FAM180A: variants seen among roughly 807,000 people sequenced by gnomAD.
The protein encoded by FAM180A is protein FAM180A.
Under a neutral mutation model 15.3 loss-of-function variants are expected in FAM180A, and 14 were observed. The observed-to-expected ratio is 0.92, with a 90% CI of 0.61 to 1.43. FAM180A has a LOEUF of 1.43. FAM180A is among the 40% of genes most tolerant of loss of function. The pLI is 0.00. For synonymous variants in FAM180A, 90 were observed against 96.8 expected (o/e 0.93, Z 0.41); for missense variants, 200 against 220.8 (o/e 0.91, Z 0.60).
chr7:135,737,908 A>G (rs1355126780), intron 1 of FAM180A, among the ~76,000 whole-genome samples: 1 of 152,258 alleles, frequency 6.6e-6, no homozygotes. Flanking sequence ...GAAAACAAAA[A>G]GCCCCAAAGT....
intron 1 of FAM180A, among the ~76,000 whole-genome samples, chr7:135,739,580 A>G (rs2129496095): frequency 6.6e-6 from 1 of 151,878 alleles, no homozygotes; most frequent in East Asian, 1.9e-4. Flanking sequence ...CCACTGCACT[A>G]CAGCCTGGGT....
intron 2 of FAM180A, among the ~76,000 whole-genome samples, chr7:135,735,992 C>G (rs565500344): frequency 2.0e-5 from 3 of 151,106 alleles, no homozygotes; most frequent in Non-Finnish European, 4.4e-5. Context: ...CATGAGCCGC[C>G]GCACCTGGCC....
Position 135,734,268 on chromosome 7 carries a change from C to G in FAM180A, c.229G>C (p.Asp77His). The G allele has an allele frequency of 6.2e-7, 1 of 1,613,670 alleles. No individual in the cohort carries two copies. Among genetic ancestry groups the G allele is most frequent in the African/African-American group, 1.3e-5 (1 of 75,038 alleles). Reference protein sequence around the residue: ...ISPDLQISIKDEELASLRKAS... With the variant: ...ISPDLQISIKHEELASLRKAS... ...TTCCGCAAGGAGGCCAGCTCCTCGT[C>G]CTTGATGGAGATCTGCAGGTCAGGG... Residue 77 changes from aspartate to histidine, a missense_variant, in exon 3 of 4, where the codon GAC (aspartate) becomes CAC (histidine). Physicochemically the swap from Asp to His is moderately conservative, Grantham distance 81. Transcript: ENST00000338588.
rs550679901 is a variant in FAM180A at position 135,737,093 on chromosome 7, G to A, written c.177+6C>T. Reference sequence around the variant, plus strand: ...ACTTGGATTGAGCATGTTCCCCTCTGCCTACCTCGTAGAGCAGCTCCACCT... The same window carrying A: ...ACTTGGATTGAGCATGTTCCCCTCTACCTACCTCGTAGAGCAGCTCCACCT... On this transcript the variant is annotated splice_donor_region_variant and intron_variant, in intron 2 of 3. Coordinates refer to ENST00000338588, the MANE Select transcript of FAM180A (RefSeq NM_205855.4). The A allele has an allele frequency of 6.2e-6, 10 of 1,605,746 alleles. No homozygotes were observed. In the East Asian group the frequency reaches 2.0e-4, roughly 32 times the overall value.
intron 1 of FAM180A, among the ~76,000 whole-genome samples, chr7:135,739,680 T>TA (rs35701835): frequency 0.22 from 30,527 of 140,156 alleles, 3,717 homozygotes; most frequent in Admixed American, 0.32. Context: ...CAGAAGTGAT[T>TA]AAAAAAAAAA....
At position 135,733,990 on chromosome 7, in the gene FAM180A, C is replaced by T. The variant is rs145204532; in HGVS notation, c.507G>A (p.Pro169=). ...GGCCAGTCTCTCAGGGAGGTACTCC[C>T]GGCTGTGAGGAGCGCATCAAGTCGT... The part of the protein sequence containing the change: ...LRHDLMRSSQ[P]GVPP Residue 169 remains proline, a synonymous_variant, in exon 3 of 4, where the codon CCG becomes CCA. Coordinates refer to ENST00000338588, the MANE Select transcript of FAM180A (RefSeq NM_205855.4). 1.4e-4 allele frequency: 228 copies of T among 1,604,440 alleles called. No homozygotes were observed. Among genetic ancestry groups the T allele is most frequent in the East Asian group, 2.5e-4 (11 of 44,770 alleles).
At chr7:135,731,982 A>C (rs78732975) in intron 3 of FAM180A, among the ~76,000 whole-genome samples, 3,541 of 152,344 alleles carry the variant, frequency 0.023, 159 homozygotes, top group African/African-American at 0.081. Flanking sequence ...CTGTAAACTT[A>C]GGAGAAGACA....
At chr7:135,736,234 G>A (rs1054179068) in intron 2 of FAM180A, among the ~76,000 whole-genome samples, 1 of 152,110 alleles carries the variant, frequency 6.6e-6, no homozygotes, top group African/African-American at 2.4e-5. Flanking sequence ...TGTTGGCCAG[G>A]CTGGTCTTGA....
intron 1 of FAM180A, among the ~76,000 whole-genome samples, chr7:135,740,350 A>G (rs62489535): frequency 0.036 from 5,453 of 152,322 alleles, 108 homozygotes; most frequent in Middle Eastern, 0.078. Flanking sequence ...CCACTGTCCT[A>G]GTCAGAGTAA....
intron 1 of FAM180A, among the ~76,000 whole-genome samples, chr7:135,739,269 C>T (rs183542456): frequency 7.1e-6 from 1 of 140,108 alleles, no homozygotes; most frequent in East Asian, 2.1e-4. Context: ...GAGATCGTGC[C>T]ACACTGCACT....
intron 2 of FAM180A, among the ~76,000 whole-genome samples, chr7:135,734,639 A>G (rs1265791832): frequency 2.0e-5 from 3 of 152,240 alleles, no homozygotes; most frequent in Non-Finnish European, 4.4e-5. Flanking sequence ...GACTAATTAT[A>G]GTTTCTAGTG....
In FAM180A at chr7:135,729,834, A is replaced by G; in HGVS notation, c.*777T>C. ...AAACAGAAAGCAGAATAATGGTGCCAAGAGCTGGGGCAGGCAGGGGGAAGG... is the reference window on the plus strand; with the variant it reads ...AAACAGAAAGCAGAATAATGGTGCCGAGAGCTGGGGCAGGCAGGGGGAAGG... On this transcript the variant is annotated 3_prime_UTR_variant, in exon 4 of 4. Transcript: ENST00000338588. 2.3e-6 allele frequency: 2 copies of G among 864,634 alleles called. No homozygotes were observed. Among genetic ancestry groups the G allele is most frequent in the South Asian group, 1.1e-4 (2 of 18,824 alleles). The allele number at this position is 864,634 out of a possible 1,614,324, so 53.6% of individuals were successfully genotyped here.
intron 1 of FAM180A, among the ~76,000 whole-genome samples, chr7:135,743,727 C>T (rs1197697435): frequency 6.6e-6 from 1 of 152,108 alleles, no homozygotes; most frequent in Non-Finnish European, 1.5e-5. Flanking sequence ...TATTTGTTGC[C>T]TGTTTCCCCT....
intron 1 of FAM180A, among the ~76,000 whole-genome samples, chr7:135,739,678 A>AT (rs1394672801): frequency 1.2e-5 from 1 of 86,134 alleles, no homozygotes; most frequent in Admixed American, 1.3e-4. Context: ...ATCAGAAGTG[A>AT]TTAAAAAAAA....
chr7:135,748,443 T>G (rs1563182621), intron 1 of FAM180A, 62 bp downstream of exon 1: 1 of 1,375,504 alleles, frequency 7.3e-7, no homozygotes, highest in Non-Finnish European at 1.0e-6. Context: ...CTCCAAATTT[T>G]GAATTGCATT....
At chr7:135,744,536 G>A (rs1205589175) in intron 1 of FAM180A, among the ~76,000 whole-genome samples, 1 of 152,170 alleles carries the variant, frequency 6.6e-6, no homozygotes, top group Non-Finnish European at 1.5e-5. Context: ...CAGGGTCTCG[G>A]CCCTGTGCGT....
chr7:135,736,059 A>G (rs1276667224), intron 2 of FAM180A, among the ~76,000 whole-genome samples: 8 of 131,410 alleles, frequency 6.1e-5, no homozygotes, highest in East Asian at 2.2e-4. Flanking sequence ...GTCTTGCTCT[A>G]TTGTCCAGGC....
At chr7:135,737,675 C>T (rs1238985124) in intron 1 of FAM180A, among the ~76,000 whole-genome samples, 1 of 150,006 alleles carries the variant, frequency 6.7e-6, no homozygotes, top group African/African-American at 2.5e-5. Flanking sequence ...AGGTGACATA[C>T]TCCCCTGGTG....
intron 1 of FAM180A, 73 bp downstream of exon 1, chr7:135,748,432 C>G: frequency 8.3e-7 from 1 of 1,209,574 alleles, no homozygotes; most frequent in South Asian, 1.2e-5. Flanking sequence ...AATGTCCTTC[C>G]CTCCAAATTT....
Sources: gnomAD v4.1 joint callset for allele counts (sites outside exome capture counted in the v4.1 genomes callset) on GRCh38, gnomAD v4.1.1 for gene constraint, MANE v1.5 for transcripts, NCBI Gene and HGNC (gene_info 2026-07-23, HGNC 2026-07-21) for gene names.